Variants in DCHS2 observed in about 807,000 individuals in gnomAD.
DCHS2 encodes protocadherin-23.
DCHS2 carries 142 observed loss-of-function variants against 182.4 expected under a neutral mutation model. The observed-to-expected ratio is 0.78, with a 90% CI of 0.68 to 0.89. DCHS2 has a LOEUF of 0.89. Among genes scored for constraint, DCHS2 ranks in the 40% least tolerant of loss-of-function variants. DCHS2 has a pLI of 0.00. For missense variants in DCHS2, 4,319 were observed against 4,198.6 expected (o/e 1.03, Z -0.79); for synonymous variants, 1,740 against 1,663.3 (o/e 1.05, Z -1.12).
chr4:154,476,776 T>C (rs6844699), intron 1 of DCHS2, among the ~76,000 whole-genome samples: 2,878 of 152,310 alleles, frequency 0.019, 81 homozygotes, highest in African/African-American at 0.064. Context: ...TAAGACGCAT[T>C]ACGTGGTATC....
At chr4:154,299,494 G>A (rs1735115633) in intron 12 of DCHS2, among the ~76,000 whole-genome samples, 1 of 152,160 alleles carries the variant, frequency 6.6e-6, no homozygotes, top group African/African-American at 2.4e-5. Context: ...CCATATTCTT[G>A]GATGAAGAGC....
intron 1 of DCHS2, among the ~76,000 whole-genome samples, chr4:154,405,470 A>T (rs1038883042): frequency 1.8e-4 from 27 of 149,634 alleles, no homozygotes; most frequent in Non-Finnish European, 3.1e-4. Context: ...ATATATATAT[A>T]TTTTCATTGC....
chr4:154,453,330 G>C (rs1371593463), intron 1 of DCHS2, among the ~76,000 whole-genome samples: 1 of 150,562 alleles, frequency 6.6e-6, no homozygotes, highest in African/African-American at 2.4e-5. Flanking sequence ...TCTATTTAAG[G>C]GGGTGGGGGT....
intron 1 of DCHS2, among the ~76,000 whole-genome samples, chr4:154,410,664 T>A (rs1425887961): frequency 6.7e-6 from 1 of 149,456 alleles, no homozygotes; most frequent in African/African-American, 2.5e-5. Context: ...ATTATAAGAG[T>A]TGCAGAAAGA....
chr4:154,417,226 AG>A (rs1560745947), intron 1 of DCHS2, among the ~76,000 whole-genome samples: 2 of 149,200 alleles, frequency 1.3e-5, no homozygotes, highest in African/African-American at 5.0e-5. Flanking sequence ...AGAGAGAGAG[AG>A]AGAGAGAGAG....
intron 1 of DCHS2, among the ~76,000 whole-genome samples, chr4:154,479,063 T>C (rs1735809320): frequency 2.0e-5 from 3 of 152,150 alleles, no homozygotes; most frequent in African/African-American, 7.2e-5. Context: ...ATTATAGTTA[T>C]ATGAGGTAAA....
rs1439591481 is a variant in DCHS2 at position 154,490,965 on chromosome 4, G to A, written c.391C>T (p.Leu131=). Residue 131 remains leucine (L), a synonymous_variant, in exon 1 of 20, where the codon CTG becomes TTG. Coordinates refer to ENST00000357232, the MANE Select transcript of DCHS2 (RefSeq NM_001358235.2). ...DTGIIRTARR[L]DRERRDHYSF... is the part of the protein sequence containing the mutation. ...TAGTGGTCCCGCCGCTCGCGGTCCA[G>A]GCGCCGCGCAGTGCGGATGATGCCG... The A allele has an allele frequency of 6.4e-7, 1 of 1,550,418 alleles. No homozygotes were observed. Among genetic ancestry groups the A allele is most frequent in the Non-Finnish European group, 8.7e-7 (1 of 1,146,308 alleles).
At chr4:154,361,998 G>C (rs982096917) in intron 3 of DCHS2, among the ~76,000 whole-genome samples, 2 of 152,194 alleles carry the variant, frequency 1.3e-5, no homozygotes, top group Non-Finnish European at 2.9e-5. Flanking sequence ...GAGAATTCTA[G>C]AGTAATTCAG....
chr4:154,328,642 A>C (rs1289616193), intron 6 of DCHS2, among the ~76,000 whole-genome samples: 3 of 152,226 alleles, frequency 2.0e-5, no homozygotes, highest in Non-Finnish European at 4.4e-5. Flanking sequence ...GCTGTCCTGC[A>C]ATGTTGAAAT....
At chr4:154,269,768 G>T in intron 14 of DCHS2, 132 bp downstream of exon 14, 1 of 959,010 alleles carries the variant, frequency 1.0e-6, no homozygotes, top group South Asian at 1.7e-5. Context: ...TTTTTCATAG[G>T]CTAGCTTAAA....
At chr4:154,406,367 A>T (rs1454402418) in intron 1 of DCHS2, among the ~76,000 whole-genome samples, 1 of 152,204 alleles carries the variant, frequency 6.6e-6, no homozygotes, top group Non-Finnish European at 1.5e-5. Flanking sequence ...AGGCGCCCTG[A>T]ATCAAAGTGC....
At chr4:154,416,107 T>C (rs1732821580) in intron 1 of DCHS2, among the ~76,000 whole-genome samples, 1 of 152,120 alleles carries the variant, frequency 6.6e-6, no homozygotes, top group African/African-American at 2.4e-5. Context: ...TGAAGGCTGA[T>C]GCAGTAGAAC....
intron 1 of DCHS2, among the ~76,000 whole-genome samples, chr4:154,448,067 C>T (rs1734374883): frequency 6.6e-6 from 1 of 152,132 alleles, no homozygotes; most frequent in African/African-American, 2.4e-5. Flanking sequence ...AATTACTGCA[C>T]TCAGTTCCTT....
chr4:154,431,212 C>T (rs1364149239), intron 1 of DCHS2, among the ~76,000 whole-genome samples: 1 of 152,100 alleles, frequency 6.6e-6, no homozygotes, highest in East Asian at 1.9e-4. Flanking sequence ...AGCTTGGATG[C>T]AGGCGGGGGG....
At chr4:154,422,350 A>G (rs1733146167) in intron 1 of DCHS2, among the ~76,000 whole-genome samples, 1 of 152,170 alleles carries the variant, frequency 6.6e-6, no homozygotes, top group Admixed American at 6.5e-5. Flanking sequence ...CAAACTCAAT[A>G]TGAACTCATC....
chr4:154,391,268 C>A, intron 1 of DCHS2: 1 of 1,606,076 alleles, frequency 6.2e-7, no homozygotes, highest in Non-Finnish European at 8.5e-7. Flanking sequence ...CGTCTTCATT[C>A]TCTGATTTCG....
At chr4:154,410,650 T>C (rs1732594254) in intron 1 of DCHS2, among the ~76,000 whole-genome samples, 1 of 148,388 alleles carries the variant, frequency 6.7e-6, no homozygotes, top group African/African-American at 2.5e-5. Flanking sequence ...AAACAGACAT[T>C]CACATTATAA....
At chr4:154,308,307 GA>G (rs1408150215) in intron 10 of DCHS2, among the ~76,000 whole-genome samples, 1 of 151,662 alleles carries the variant, frequency 6.6e-6, no homozygotes, top group Non-Finnish European at 1.5e-5. Flanking sequence ...AGGAAGGCAT[GA>G]GGAAGAGAGA....
At chr4:154,370,690 C>T (rs1031932747) in intron 2 of DCHS2, among the ~76,000 whole-genome samples, 8 of 152,096 alleles carry the variant, frequency 5.3e-5, no homozygotes, top group African/African-American at 9.7e-5. Flanking sequence ...TGAGCTGATA[C>T]GCAGGTAGGT....
Sources: allele counts gnomAD v4.1 joint callset (sites outside exome capture counted in the v4.1 genomes callset), GRCh38; gene constraint gnomAD v4.1.1; transcripts MANE v1.5; gene names NCBI Gene and HGNC (gene_info 2026-07-23, HGNC 2026-07-21).